The following PRKN variants were observed in gnomAD, a reference collection of about 807,000 sequenced individuals.
PRKN encodes E3 ubiquitin-protein ligase parkin.
PRKN carries 56 observed loss-of-function variants against 59.5 expected under a neutral mutation model. The observed-to-expected ratio is 0.94, with a 90% CI of 0.76 to 1.18. PRKN has a LOEUF of 1.18. PRKN is among the 50% of genes most tolerant of loss of function. The pLI, the probability that PRKN is intolerant of heterozygous loss-of-function variation, is 0.00. For synonymous variants in PRKN, 250 were observed against 222.1 expected (o/e 1.13, Z -1.12); for missense variants, 657 against 596.4 (o/e 1.10, Z -1.06).
At position 162,034,475 on chromosome 6, in the gene PRKN, G is replaced by T. The variant is rs372325700; in HGVS notation, c.618+19616C>A. On this transcript the variant is annotated intron_variant, in intron 5 of 11. Coordinates refer to ENST00000366898, the MANE Select transcript of PRKN (RefSeq NM_004562.3). ...AATAGGTAGAGACAAGTAGAAACAA[G>T]CATATTTCCTGCAGTTTATTCATTT... Among the ~76,000 whole-genome samples the T allele has an allele frequency of 3.9e-5, 6 of 152,158 alleles. No homozygotes were observed. In the East Asian group the frequency reaches 9.7e-4, roughly 25 times the overall value.
chr6:161,907,250 C>G (rs950921152), intron 6 of PRKN, among the ~76,000 whole-genome samples: 1 of 152,024 alleles, frequency 6.6e-6, no homozygotes, highest in African/African-American at 2.4e-5. Flanking sequence ...ATGAATTTCA[C>G]TGGTTTACAA....
intron 6 of PRKN, among the ~76,000 whole-genome samples, chr6:161,869,708 A>C (rs1166368248): frequency 6.6e-6 from 1 of 152,070 alleles, no homozygotes; most frequent in African/African-American, 2.4e-5. Flanking sequence ...AGCCTTGTGG[A>C]TCCCTCCTTT....
At chr6:161,858,734 G>T (rs1793758009) in intron 6 of PRKN, among the ~76,000 whole-genome samples, 1 of 152,014 alleles carries the variant, frequency 6.6e-6, no homozygotes, top group Admixed American at 6.6e-5. Context: ...CACAGAGGAG[G>T]AGGAACCCTG....
chr6:162,613,736 T>C (rs1441506872), intron 1 of PRKN, among the ~76,000 whole-genome samples: 1 of 152,146 alleles, frequency 6.6e-6, no homozygotes, highest in African/African-American at 2.4e-5. Flanking sequence ...TAGGTATCCA[T>C]TGTAAACAGA....
At chr6:162,143,253 A>T (rs1257706615) in intron 4 of PRKN, among the ~76,000 whole-genome samples, 1 of 152,240 alleles carries the variant, frequency 6.6e-6, no homozygotes, top group African/African-American at 2.4e-5. Context: ...GGCTAATGAA[A>T]TGTTGGCAGA....
intron 7 of PRKN, among the ~76,000 whole-genome samples, chr6:161,663,394 G>T (rs1326134930): frequency 1.3e-5 from 2 of 152,018 alleles, no homozygotes; most frequent in Admixed American, 6.6e-5. Context: ...TTCCTAACTC[G>T]TATCTGAAAT....
intron 1 of PRKN, chr6:162,569,713 T>G (rs919665780): frequency 1.2e-5 from 7 of 579,722 alleles, no homozygotes; most frequent in Non-Finnish European, 2.2e-5. Flanking sequence ...AGTCCTCTGA[T>G]GTCCTTCCTA....
chr6:162,414,975 A>G (rs1788553891), intron 2 of PRKN, among the ~76,000 whole-genome samples: 1 of 152,150 alleles, frequency 6.6e-6, no homozygotes, highest in Non-Finnish European at 1.5e-5. Flanking sequence ...TTATTTAAGA[A>G]AATTAAGATA....
rs114411736 is a variant in PRKN, at chr6:162,380,953, C to A, written c.171+62357G>T. On this transcript the variant is annotated intron_variant, in intron 2 of 11. Coordinates refer to ENST00000366898, the MANE Select transcript of PRKN (RefSeq NM_004562.3). The stretch of plus-strand genomic sequence containing the variant: ...ACAGCCACATGGGAGAGTCCAGCGA[C>A]CAGAGTGGCCGCCGTGGTCCAGATA... Among the ~76,000 whole-genome samples the A allele has an allele frequency of 1.9e-4, 29 of 152,078 alleles. 1 individual carries two copies. Among genetic ancestry groups the A allele is most frequent in the Admixed American group, 1.9e-3 (29 of 15,256 alleles).
intron 3 of PRKN, among the ~76,000 whole-genome samples, chr6:162,203,669 G>C (rs1784825951): frequency 6.6e-6 from 1 of 152,148 alleles, no homozygotes; most frequent in Non-Finnish European, 1.5e-5. Context: ...ATAACTCTTA[G>C]AGGAATGGCA....
At chr6:162,411,533 A>G (rs761566378) in intron 2 of PRKN, among the ~76,000 whole-genome samples, 22 of 152,224 alleles carry the variant, frequency 1.4e-4, no homozygotes, top group Non-Finnish European at 3.1e-4. Flanking sequence ...GATAAATTAC[A>G]GAAGCAAAAA....
chr6:162,196,163 TGTTAG>T (rs1167015994), intron 4 of PRKN, among the ~76,000 whole-genome samples: 1 of 152,166 alleles, frequency 6.6e-6, no homozygotes, highest in African/African-American at 2.4e-5. Flanking sequence ...GAAAGAGTAC[TGTTAG>T]GATTTAGTGA....
At position 161,526,130 on chromosome 6, in the gene PRKN, A is replaced by C. The variant is rs1779007596; in HGVS notation, c.1083+22724T>G. On this transcript the variant is annotated intron_variant, in intron 9 of 11. Coordinates refer to ENST00000366898, the MANE Select transcript of PRKN (RefSeq NM_004562.3). The surrounding 1 kb of genome is among the most constrained non-coding windows in gnomAD (Gnocchi z 4.1). ...CCAGCTCTTTTCCAACCTTCCTAAA[A>C]AAAAAGGTCAGTCCCATAAATACTC... Among the ~76,000 whole-genome samples, 1 of 152,208 alleles carries C rather than the reference A, an allele frequency of 6.6e-6. No homozygotes were observed. The highest frequency in any genetic ancestry group is 2.1e-4 in the South Asian group (1 of 4,836).
chr6:162,414,276 A>G lies in PRKN; in HGVS notation c.171+29034T>C, dbSNP rs893442143. Among the ~76,000 whole-genome samples the G allele has an allele frequency of 5.9e-5, 9 of 152,294 alleles. 1 individual carries two copies. The South Asian group carries it at 8.3e-4, about 14-fold the overall frequency. On this transcript the variant is annotated intron_variant, in intron 2 of 11. Transcript: ENST00000366898. ...TCCATAATACAAACAAAACTTTAAA[A>G]GGGTGATGACTGATTCCAGATTACT...
At chr6:161,564,590 A>G (rs1780570212) in intron 8 of PRKN, among the ~76,000 whole-genome samples, 1 of 152,202 alleles carries the variant, frequency 6.6e-6, no homozygotes, top group African/African-American at 2.4e-5. Context: ...CAATCCCAGT[A>G]CCACAAAGCA....
At chr6:162,722,865 C>CT in intron 1 of PRKN, among the ~76,000 whole-genome samples, 1 of 152,182 alleles carries the variant, frequency 6.6e-6, no homozygotes, top group African/African-American at 2.4e-5. Context: ...ATTTTAGAGC[C>CT]TTTGGACCCA....
intron 9 of PRKN, among the ~76,000 whole-genome samples, chr6:161,541,692 G>T (rs1010197212): frequency 6.6e-6 from 1 of 152,038 alleles, no homozygotes; most frequent in African/African-American, 2.4e-5. Context: ...GTAGTGGCAC[G>T]TGCCTGTAAT....
intron 5 of PRKN, among the ~76,000 whole-genome samples, chr6:162,000,435 T>G (rs528753639): frequency 6.6e-6 from 1 of 152,260 alleles, no homozygotes; most frequent in Admixed American, 6.5e-5. Flanking sequence ...ATATGCTTAC[T>G]TGCCATGTTT....
At chr6:161,933,521 A>G (rs963118437) in intron 6 of PRKN, among the ~76,000 whole-genome samples, 4 of 152,232 alleles carry the variant, frequency 2.6e-5, no homozygotes, top group African/African-American at 9.6e-5. Flanking sequence ...ATAGCCTCTG[A>G]AAAACTCCGT....
Sources: gnomAD v4.1 joint callset for allele counts (sites outside exome capture counted in the v4.1 genomes callset) on GRCh38, gnomAD v4.1.1 for gene constraint, Gnocchi (gnomAD v3.1) non-coding constraint, MANE v1.5 for transcripts, NCBI Gene and HGNC (gene_info 2026-07-23, HGNC 2026-07-21) for gene names.